Variants in NRXN3 observed in about 807,000 individuals in gnomAD.
NRXN3 encodes neurexin III.
A neutral mutation model predicts 137.6 loss-of-function variants in NRXN3; 32 were observed. The ratio of observed to expected loss-of-function variants is 0.23; its 90% CI spans 0.18 to 0.31. The LOEUF is 0.31. Among genes scored for constraint, NRXN3 ranks in the 10% least tolerant of loss-of-function variants. NRXN3 has a pLI of 1.00. For missense variants in NRXN3, 1,574 were observed against 2,062.5 expected, an observed-to-expected ratio of 0.76 and a Z score of 4.59; for synonymous variants, 798 against 784.5, an observed-to-expected ratio of 1.02 and a Z score of -0.29.
intron 15 of NRXN3, among the ~76,000 whole-genome samples, chr14:79,006,661 ATAT>A (rs1372097649): frequency 6.6e-6 from 1 of 152,176 alleles, no homozygotes; most frequent in Admixed American, 6.5e-5. Context: ...CAGACAGCAC[ATAT>A]TATTCTATCC....
intron 10 of NRXN3, among the ~76,000 whole-genome samples, chr14:78,821,943 G>A (rs2098952033): frequency 6.6e-6 from 1 of 152,076 alleles, no homozygotes; most frequent in Admixed American, 6.5e-5. Flanking sequence ...GTAACACCGC[G>A]ATGACTAGTT....
At chr14:78,206,957 G>A (rs1166838042) in intron 1 of NRXN3, among the ~76,000 whole-genome samples, 1 of 152,044 alleles carries the variant, frequency 6.6e-6, no homozygotes, top group Non-Finnish European at 1.5e-5. Flanking sequence ...TCTGCCTCCC[G>A]GGTTCAAGCA....
At chr14:79,853,285 T>C (rs1173872858) in intron 20 of NRXN3, among the ~76,000 whole-genome samples, 3 of 152,206 alleles carry the variant, frequency 2.0e-5, no homozygotes, top group Admixed American at 6.5e-5. Context: ...CTTCTTGTTT[T>C]TGCTTTAAAC....
intron 15 of NRXN3, among the ~76,000 whole-genome samples, chr14:79,124,677 A>T (rs2056079538): frequency 6.6e-6 from 1 of 152,178 alleles, no homozygotes; most frequent in Non-Finnish European, 1.5e-5. Flanking sequence ...CTCTTAGGGG[A>T]TGTATGATCA....
chr14:78,833,436 A>G (rs942212747), intron 10 of NRXN3, among the ~76,000 whole-genome samples: 7 of 152,162 alleles, frequency 4.6e-5, no homozygotes, highest in African/African-American at 1.4e-4. Flanking sequence ...CCCTTGAGGC[A>G]TGGCAAGGTG....
chr14:78,500,490 G>A (rs991027890), intron 4 of NRXN3, among the ~76,000 whole-genome samples: 1 of 152,128 alleles, frequency 6.6e-6, no homozygotes, highest in African/African-American at 2.4e-5. Flanking sequence ...AAGAGAAGTT[G>A]CCTTCTACAG....
At chr14:79,811,223 C>T (rs2099231379) in intron 20 of NRXN3, among the ~76,000 whole-genome samples, 1 of 152,176 alleles carries the variant, frequency 6.6e-6, no homozygotes, top group African/African-American at 2.4e-5. Context: ...ATAAAAGGCT[C>T]AGATCCACTT....
At chr14:78,926,680 A>G (rs1246634040) in intron 10 of NRXN3, among the ~76,000 whole-genome samples, 1 of 97,418 alleles carries the variant, frequency 1.0e-5, no homozygotes, top group South Asian at 2.6e-4. Flanking sequence ...ATAATTATAT[A>G]TTATGTAATA....
At position 79,734,299 on chromosome 14, in the gene NRXN3, G is replaced by T. The variant is rs749935519; in HGVS notation, c.4014+36362G>T. ...TAAAATTGCAGATTTTAAATGTAGG[G>T]ACCAAGACAGGATGTAGGTTGTGTC... is the stretch of plus-strand genomic sequence containing the variant. On this transcript the variant is annotated intron_variant, in intron 19 of 20. Coordinates refer to ENST00000335750, the MANE Select transcript of NRXN3 (RefSeq NM_001330195.2). Among the ~76,000 whole-genome samples, 131 of 152,128 alleles carry T rather than the reference G, an allele frequency of 8.6e-4. 3 individuals are homozygous for T. Among genetic ancestry groups the T allele is most frequent in the Admixed American group, 4.6e-4 (7 of 15,266 alleles).
At chr14:78,980,426 A>G (rs565144613) in intron 14 of NRXN3, among the ~76,000 whole-genome samples, 19 of 152,234 alleles carry the variant, frequency 1.2e-4, no homozygotes, top group Non-Finnish European at 2.4e-4. Flanking sequence ...TTATTTGGGC[A>G]ATAACAGAGG....
At chr14:78,618,058 T>C (rs572487411) in intron 4 of NRXN3, among the ~76,000 whole-genome samples, 1 of 152,138 alleles carries the variant, frequency 6.6e-6, no homozygotes, top group Admixed American at 6.5e-5. Context: ...ACCCCCATCT[T>C]CTCTGTCTAC....
chr14:78,211,895 A>AG (rs1457656556), intron 1 of NRXN3, among the ~76,000 whole-genome samples: 1 of 152,230 alleles, frequency 6.6e-6, no homozygotes, highest in African/African-American at 2.4e-5. Context: ...ATCTTTCCAT[A>AG]GGGATGGAAC....
intron 8 of NRXN3, among the ~76,000 whole-genome samples, chr14:78,770,819 G>C (rs74969890): frequency 2.0e-5 from 3 of 152,056 alleles, no homozygotes; most frequent in Non-Finnish European, 2.9e-5. Flanking sequence ...ACTGGGGAGG[G>C]AATGTCTGTA....
chr14:79,252,294 A>G (rs2076044787), intron 15 of NRXN3, among the ~76,000 whole-genome samples: 1 of 152,326 alleles, frequency 6.6e-6, no homozygotes, highest in South Asian at 2.1e-4. Flanking sequence ...ATCCTCCTCA[A>G]GAGAAAACCT....
chr14:78,949,123 G>T (rs1321610645), intron 10 of NRXN3, among the ~76,000 whole-genome samples: 5 of 152,080 alleles, frequency 3.3e-5, no homozygotes, highest in African/African-American at 1.2e-4. Flanking sequence ...TGGCCAGGAA[G>T]AATATATATT....
intron 16 of NRXN3, among the ~76,000 whole-genome samples, chr14:79,636,721 G>A (rs918437076): frequency 1.3e-5 from 2 of 152,154 alleles, no homozygotes; most frequent in African/African-American, 2.4e-5. Flanking sequence ...ATGCTGGAGG[G>A]CAATTGCATC....
At chr14:78,430,042 T>C (rs2093815672) in intron 4 of NRXN3, among the ~76,000 whole-genome samples, 2 of 152,168 alleles carry the variant, frequency 1.3e-5, no homozygotes. Flanking sequence ...GAGAGCAGCG[T>C]AGGCAACATA....
At chr14:79,825,205 GCT>G (rs1491581541) in intron 20 of NRXN3, among the ~76,000 whole-genome samples, 2 of 66,672 alleles carry the variant, frequency 3.0e-5, no homozygotes, top group African/African-American at 1.3e-4. Context: ...TTCTTTGTGT[GCT>G]TTTTTTTTTT....
intron 15 of NRXN3, among the ~76,000 whole-genome samples, chr14:79,354,808 A>C (rs1365009555): frequency 6.6e-6 from 1 of 152,210 alleles, no homozygotes; most frequent in Non-Finnish European, 1.5e-5. Flanking sequence ...AATGTAACAA[A>C]ACAAATTGTG....
Sources: allele counts gnomAD v4.1 joint callset (sites outside exome capture counted in the v4.1 genomes callset), GRCh38; gene constraint gnomAD v4.1.1; transcripts MANE v1.5; gene names NCBI Gene and HGNC (gene_info 2026-07-23, HGNC 2026-07-21).